Variants in FER1L6 observed in about 807,000 individuals in gnomAD.
The protein encoded by FER1L6 is fer-1 like family member 6, also known as fer-1-like protein 6.
In FER1L6, 177 loss-of-function variants were observed where a neutral mutation model predicts 219.2. That is an observed-to-expected ratio of 0.81 (90% CI 0.71 to 0.91). The LOEUF (loss-of-function observed/expected upper bound fraction) is 0.91, where lower values mean the gene tolerates loss of function less well. FER1L6 is among the 40% of genes least tolerant of loss of function. The pLI, the probability that FER1L6 is intolerant of heterozygous loss-of-function variation, is 0.00. For missense variants in FER1L6, 2,153 were observed against 2,259.9 expected (o/e 0.95, Z 0.96); for synonymous variants, 768 against 824.3 (o/e 0.93, Z 1.17).
At chr8:124,090,074 T>C (rs1821962645) in intron 33 of FER1L6, among the ~76,000 whole-genome samples, 1 of 152,222 alleles carries the variant, frequency 6.6e-6, no homozygotes. Flanking sequence ...TGCATCAAGG[T>C]AGACTGCTCC....
intron 20 of FER1L6, among the ~76,000 whole-genome samples, chr8:124,042,490 T>C (rs911960025): frequency 9.9e-5 from 15 of 152,224 alleles, no homozygotes; most frequent in Admixed American, 8.5e-4. Context: ...GGAAGCGATA[T>C]AGCTAGAAGA....
At chr8:124,027,857 T>C (rs1818779920) in intron 18 of FER1L6, among the ~76,000 whole-genome samples, 1 of 152,224 alleles carries the variant, frequency 6.6e-6, no homozygotes, top group Non-Finnish European at 1.5e-5. Flanking sequence ...CCATTGTGCC[T>C]GGCCTAAAAT....
intron 21 of FER1L6, among the ~76,000 whole-genome samples, chr8:124,048,322 C>T (rs1563764986): frequency 6.6e-6 from 1 of 152,230 alleles, no homozygotes; most frequent in Non-Finnish European, 1.5e-5. Flanking sequence ...ACTCAGCCAG[C>T]ATGCATTGAG....
intron 33 of FER1L6, among the ~76,000 whole-genome samples, chr8:124,090,640 C>T (rs1304424038): frequency 2.0e-5 from 3 of 152,158 alleles, no homozygotes; most frequent in Non-Finnish European, 4.4e-5. Context: ...CTGATGAACT[C>T]AGTGTCCCAA....
chr8:123,914,734 C>T (rs1023713688), intron 1 of FER1L6, among the ~76,000 whole-genome samples: 1 of 152,078 alleles, frequency 6.6e-6, no homozygotes, highest in African/African-American at 2.4e-5. Context: ...ATGGGTGTGG[C>T]CAGAGTCAAA....
intron 11 of FER1L6, among the ~76,000 whole-genome samples, chr8:123,981,206 G>C (rs772299372): frequency 1.3e-5 from 2 of 152,138 alleles, no homozygotes; most frequent in African/African-American, 2.4e-5. Flanking sequence ...GAATGAAGAG[G>C]AGGAAGAGTA....
intron 1 of FER1L6, among the ~76,000 whole-genome samples, chr8:123,878,289 C>T (rs1050837593): frequency 1.3e-5 from 2 of 152,162 alleles, no homozygotes; most frequent in Non-Finnish European, 2.9e-5. Context: ...CTCCCAAATA[C>T]ACTTTTTAAC....
intron 1 of FER1L6, among the ~76,000 whole-genome samples, chr8:123,888,642 C>T (rs1817248724): frequency 6.6e-6 from 1 of 152,128 alleles, no homozygotes; most frequent in Admixed American, 6.6e-5. Context: ...ATCAAACTGC[C>T]TTGGAAACTG....
chr8:124,102,976 C>T (rs148364711), intron 38 of FER1L6, among the ~76,000 whole-genome samples, 170 bp from the exon 39 acceptor site: 154 of 152,328 alleles, frequency 1.0e-3, no homozygotes, highest in Admixed American at 1.8e-3. Flanking sequence ...CCAAACGTGG[C>T]TCAGTCCTAT....
intron 1 of FER1L6, among the ~76,000 whole-genome samples, chr8:123,904,513 A>G (rs1235423313): frequency 6.6e-6 from 1 of 152,160 alleles, no homozygotes; most frequent in Non-Finnish European, 1.5e-5. Context: ...ACTTCAACTC[A>G]AAGTCTACCT....
At chr8:123,959,560 C>G (rs1484556705) in intron 2 of FER1L6, among the ~76,000 whole-genome samples, 2 of 152,220 alleles carry the variant, frequency 1.3e-5, no homozygotes, top group African/African-American at 4.8e-5. Context: ...AGCTACTGAG[C>G]ACCTACAAGG....
rs73326369 is a variant in FER1L6 at position 123,929,858 on chromosome 8, C to T, written c.-7-26134C>T. 3.9e-3 allele frequency among the ~76,000 whole-genome samples: 587 copies of T among 152,166 alleles called. 7 individuals are homozygous for T. The highest frequency in any genetic ancestry group is 0.013 in the African/African-American group (555 of 41,520). ...GTAGCATTCTAAGAGACATGTGTTC[C>T]CCCCTTAGTGATACCACAGTCTAGT... On this transcript the variant is annotated intron_variant, in intron 1 of 40. Transcript: ENST00000522917.
At chr8:123,869,301 A>G (rs1427294071) in intron 1 of FER1L6, among the ~76,000 whole-genome samples, 1 of 152,126 alleles carries the variant, frequency 6.6e-6, no homozygotes, top group Non-Finnish European at 1.5e-5. Flanking sequence ...ATTGCCTCGT[A>G]TAGGTGACTT....
Position 123,916,074 on chromosome 8 carries a change from G to T in FER1L6, c.-7-39918G>T, listed in dbSNP as rs1323643999. Reference sequence around the variant, plus strand: ...ATTTCCTTCATCCCCAAGTGTAAATGCTGCCTGTCCTGAAAGAGGACCCAG... The same window carrying T: ...ATTTCCTTCATCCCCAAGTGTAAATTCTGCCTGTCCTGAAAGAGGACCCAG... On this transcript the variant is annotated intron_variant, in intron 1 of 40. Transcript: ENST00000522917. 4.6e-5 allele frequency among the ~76,000 whole-genome samples: 7 copies of T among 152,176 alleles called. No individual in the cohort carries two copies. In the East Asian group the frequency reaches 9.6e-4, roughly 21 times the overall value.
intron 1 of FER1L6, among the ~76,000 whole-genome samples, chr8:123,912,210 C>T (rs952225606): frequency 3.3e-5 from 5 of 151,940 alleles, no homozygotes; most frequent in Admixed American, 6.6e-5. Context: ...TGCAAGTTAG[C>T]TAATCTAATA....
At chr8:124,026,594 C>T (rs1489665891) in intron 18 of FER1L6, among the ~76,000 whole-genome samples, 1 of 152,190 alleles carries the variant, frequency 6.6e-6, no homozygotes, top group Non-Finnish European at 1.5e-5. Flanking sequence ...ATGCATTCCT[C>T]ATCCTTAGAG....
intron 26 of FER1L6, 95 bp from the exon 27 acceptor site, chr8:124,066,333 G>T (rs1820828275): frequency 2.8e-6 from 4 of 1,412,334 alleles, no homozygotes; most frequent in Non-Finnish European, 3.9e-6. Flanking sequence ...TTTTCCAGTG[G>T]ACACCTAAAT....
At chr8:123,888,993 A>T (rs1484960466) in intron 1 of FER1L6, among the ~76,000 whole-genome samples, 1 of 152,242 alleles carries the variant, frequency 6.6e-6, no homozygotes, top group Non-Finnish European at 1.5e-5. Flanking sequence ...GACAACATAA[A>T]CATAGAAATG....
At chr8:123,974,678 A>G (rs964091121) in intron 7 of FER1L6, among the ~76,000 whole-genome samples, 2 of 148,808 alleles carry the variant, frequency 1.3e-5, no homozygotes, top group African/African-American at 2.5e-5. Flanking sequence ...AAAAAAAAAA[A>G]AAAAGAAATG....
Sources: gnomAD v4.1 joint callset for allele counts (sites outside exome capture counted in the v4.1 genomes callset) on GRCh38, gnomAD v4.1.1 for gene constraint, MANE v1.5 for transcripts, NCBI Gene and HGNC (gene_info 2026-07-23, HGNC 2026-07-21) for gene names.